The following NMD3 variants were observed in gnomAD, a reference collection of about 807,000 sequenced individuals.
The protein encoded by NMD3 is NMD3 ribosome export adaptor.
In NMD3, 47 loss-of-function variants were observed where a neutral mutation model predicts 73.1. The ratio of observed to expected loss-of-function variants is 0.64; its 90% CI spans 0.51 to 0.82. The LOEUF (loss-of-function observed/expected upper bound fraction) is 0.82, where lower values mean the gene tolerates loss of function less well. Among genes scored for constraint, NMD3 ranks in the 40% least tolerant of loss-of-function variants. The pLI is 0.00. For synonymous variants in NMD3, 210 were observed against 194.5 expected, an observed-to-expected ratio of 1.08 and a Z score of -0.66; for missense variants, 554 against 612.5, an observed-to-expected ratio of 0.90 and a Z score of 1.01.
At chr3:161,221,810 A>T in intron 1 of NMD3, 184 bp from the exon 2 acceptor site, 1 of 461,766 alleles carries the variant, frequency 2.2e-6, no homozygotes, top group Non-Finnish European at 3.8e-6. Flanking sequence ...CTCATCTTAA[A>T]GTTCTTTTTA....
rs1736681160 is a variant in NMD3 at position 161,234,753 on chromosome 3, A to G, written c.384A>G (p.Gln128=). 6 of 1,612,676 alleles carry G rather than the reference A, an allele frequency of 3.7e-6. No homozygotes were observed. Among genetic ancestry groups the G allele is most frequent in the South Asian group, 3.3e-5 (3 of 91,016 alleles). ...TGATGAATGGTGCTATCCTTCAACAAGTGTTTGTGGTGGATTATGTTGTTC... is the reference window on the plus strand; with the variant it reads ...TGATGAATGGTGCTATCCTTCAACAGGTGTTTGTGGTGGATTATGTTGTTC... ...KEVMNGAILQ[Q]VFVVDYVVQS... is the part of the protein sequence containing the mutation. Residue 128 remains glutamine (Q), a synonymous_variant, in exon 6 of 16, where the codon CAA becomes CAG. Transcript: ENST00000351193.
intron 7 of NMD3, among the ~76,000 whole-genome samples, chr3:161,236,316 G>A (rs532313652): frequency 1.3e-5 from 2 of 152,110 alleles, no homozygotes; most frequent in East Asian, 1.9e-4. Context: ...CATTCCTGCC[G>A]CCAATATTTC....
rs1314400833 is a variant in NMD3, at chr3:161,251,198, C to T, written c.*288C>T. 2.6e-5 allele frequency: 6 copies of T among 234,682 alleles called. No individual in the cohort carries two copies. The highest frequency in any genetic ancestry group is 5.0e-5 in the Non-Finnish European group (6 of 118,966). 14.5% of individuals were successfully genotyped at this position (234,682 alleles called of 1,614,324 possible). A position where few individuals can be genotyped will look rare whatever the true frequency, so the allele number is the denominator to read the frequency against. On this transcript the variant is annotated 3_prime_UTR_variant, in exon 16 of 16. Transcript: ENST00000351193. ...TATATGAGGCACTGTAGTATTTTCA[C>T]ATAGTATAGTACTCTGGATGTAAAA...
chr3:161,250,828 G>C lies in NMD3; in HGVS notation c.1430G>C (p.Arg477Pro). ...GACACCGATGATGAAGGAGCACCTC[G>C]AATTAGTCTGGCTGAGATGCTTGAA... ...ESDTDDEGAP[R>P]ISLAEMLEDL... The change falls in exon 16 of 16, where the codon CGA becomes CCA. Residue 477 changes from arginine to proline, a missense_variant. Arg to Pro is a moderately radical substitution (Grantham distance 103). Coordinates refer to ENST00000351193, the MANE Select transcript of NMD3 (RefSeq NM_015938.5). 6.2e-7 allele frequency: 1 copy of C among 1,611,558 alleles called. No homozygotes were observed. Among genetic ancestry groups the C allele is most frequent in the Non-Finnish European group, 8.5e-7 (1 of 1,177,946 alleles).
chr3:161,240,924 G>A, intron 9 of NMD3, 122 bp from the exon 10 acceptor site: 1 of 544,664 alleles, frequency 1.8e-6, no homozygotes, highest in Non-Finnish European at 3.3e-6. Flanking sequence ...TTTGTTGATT[G>A]ATAGAATTGA....
At position 161,221,311 on chromosome 3, in the gene NMD3, C is replaced by T. The variant is rs1253520388; in HGVS notation, c.-119C>T. 3 of 152,440 alleles carry T rather than the reference C, an allele frequency of 2.0e-5. No homozygotes were observed. Among genetic ancestry groups the T allele is most frequent in the African/African-American group, 7.2e-5 (3 of 41,468 alleles). 9.4% of individuals were successfully genotyped at this position (152,440 alleles called of 1,614,324 possible). On this transcript the variant is annotated 5_prime_UTR_variant, in exon 1 of 16. Transcript: ENST00000351193. Reference sequence around the variant, plus strand: ...TCGAGCATTTCGCTCGCGAGATCTTCTCTGTGGCGGAGACAGCCAGGTTGG... The same window carrying T: ...TCGAGCATTTCGCTCGCGAGATCTTTTCTGTGGCGGAGACAGCCAGGTTGG...
chr3:161,251,065 A>G lies in NMD3; in HGVS notation c.*155A>G, dbSNP rs999632615. 15 of 554,776 alleles carry G rather than the reference A, an allele frequency of 2.7e-5. No homozygotes were observed. The highest frequency in any genetic ancestry group is 4.8e-5 in the Non-Finnish European group (15 of 312,628). The allele number at this position is 554,776 out of a possible 1,614,324, so 34.4% of individuals were successfully genotyped here. On this transcript the variant is annotated 3_prime_UTR_variant, in exon 16 of 16. Transcript: ENST00000351193. ...GTTTTCAGTGCTCACTCAAACCACT[A>G]AAACAGATGGATAGCTTTGAGGTTT... is the stretch of plus-strand genomic sequence containing the variant.
intron 9 of NMD3, among the ~76,000 whole-genome samples, chr3:161,239,526 CT>C (rs1736890409): frequency 6.6e-6 from 1 of 152,102 alleles, no homozygotes; most frequent in South Asian, 2.1e-4. Context: ...AATCTAGATA[CT>C]TTAGTGTCTT....
chr3:161,222,172 T>C, intron 2 of NMD3, 115 bp downstream of exon 2: 1 of 803,316 alleles, frequency 1.2e-6, no homozygotes, highest in Non-Finnish European at 2.1e-6. Flanking sequence ...TTGTCATAAA[T>C]GGGAAAAAAT....
chr3:161,226,647 T>C (rs1736330306), intron 3 of NMD3, among the ~76,000 whole-genome samples: 1 of 152,158 alleles, frequency 6.6e-6, no homozygotes, highest in South Asian at 2.1e-4. Context: ...TACTATAAGA[T>C]GTATGTGGCA....
intron 11 of NMD3, among the ~76,000 whole-genome samples, chr3:161,244,051 A>G (rs941943501): frequency 2.6e-5 from 4 of 152,154 alleles, no homozygotes; most frequent in Non-Finnish European, 5.9e-5. Flanking sequence ...TACATTTACT[A>G]GCTGTCATTC....
At chr3:161,226,765 C>A (rs1344736673) in intron 3 of NMD3, among the ~76,000 whole-genome samples, 2 of 152,146 alleles carry the variant, frequency 1.3e-5, no homozygotes, top group African/African-American at 4.8e-5. Context: ...TGTTGTTTTA[C>A]AATTTACAAT....
intron 4 of NMD3, 90 bp downstream of exon 4, chr3:161,227,433 A>T: frequency 1.5e-6 from 1 of 682,492 alleles, no homozygotes; most frequent in Non-Finnish European, 2.5e-6. Context: ...GTTTTTCAAA[A>T]GGAATTTTTT....
At chr3:161,225,725 A>C (rs1022392029) in intron 3 of NMD3, among the ~76,000 whole-genome samples, 4 of 152,140 alleles carry the variant, frequency 2.6e-5, no homozygotes, top group African/African-American at 9.7e-5. Flanking sequence ...TAAGACGCTA[A>C]CTTTTTGAGT....
At chr3:161,241,937 C>T (rs536264767) in intron 10 of NMD3, among the ~76,000 whole-genome samples, 2 of 151,988 alleles carry the variant, frequency 1.3e-5, no homozygotes, top group East Asian at 3.9e-4. Context: ...AGGAAGACCA[C>T]ATTTTGGTAG....
Position 161,250,798 on chromosome 3 carries a change from A to G in NMD3, c.1400A>G (p.Glu467Gly). 1 of 1,609,954 alleles carries G rather than the reference A, an allele frequency of 6.2e-7. No individual in the cohort carries two copies. Among genetic ancestry groups the G allele is most frequent in the Non-Finnish European group, 8.5e-7 (1 of 1,176,764 alleles). ...TTTTTAGATTCAGCCATCCCTGTGG[A>G]AAGTGACACCGATGATGAAGGAGCA... Reference protein sequence around the residue: ...NIYRDSAIPVESDTDDEGAPR... With the variant: ...NIYRDSAIPVGSDTDDEGAPR... The change falls in exon 16 of 16, where the codon GAA (glutamate) becomes GGA (glycine). Residue 467 changes from glutamate to glycine, a missense_variant. By Grantham distance (98) the Glu-to-Gly change is moderately conservative. Coordinates refer to ENST00000351193, the MANE Select transcript of NMD3 (RefSeq NM_015938.5).
In NMD3 at chr3:161,225,029, A is replaced by G. The variant is rs763214315; in HGVS notation, c.144A>G (p.Lys48=). The change falls in exon 3 of 16, where the codon AAA becomes AAG. Residue 48 remains lysine, a synonymous_variant. Transcript: ENST00000351193. ...SKVDISQGIP[K]QVSISFCKQC... is the part of the protein sequence containing the mutation. ...TGGACATCAGCCAAGGTATTCCGAA[A>G]CAAGTCTCGATTTCGTTCTGCAAAC... 1.2e-6 allele frequency: 2 copies of G among 1,614,006 alleles called. No homozygotes were observed. Among genetic ancestry groups the G allele is most frequent in the South Asian group, 2.2e-5 (2 of 91,064 alleles).
chr3:161,234,297 T>C (rs1475885941), intron 5 of NMD3, among the ~76,000 whole-genome samples: 2 of 151,768 alleles, frequency 1.3e-5, no homozygotes, highest in Admixed American at 6.6e-5. Context: ...AAAAGTTAGC[T>C]GGACGTGGTG....
intron 13 of NMD3, among the ~76,000 whole-genome samples, chr3:161,247,666 G>A (rs1737278995): frequency 6.6e-6 from 1 of 151,694 alleles, no homozygotes; most frequent in Non-Finnish European, 1.5e-5. Flanking sequence ...GTGCAAGCTT[G>A]TAATCCCAGC....
Sources: allele counts gnomAD v4.1 joint callset (sites outside exome capture counted in the v4.1 genomes callset), GRCh38; gene constraint gnomAD v4.1.1; transcripts MANE v1.5; gene names NCBI Gene and HGNC (gene_info 2026-07-23, HGNC 2026-07-21).